SEMA6D: variants seen among roughly 807,000 people sequenced by gnomAD.
SEMA6D encodes semaphorin-6D.
In SEMA6D, 35 loss-of-function variants were observed where a neutral mutation model predicts 106.6. The observed-to-expected ratio is 0.33, with a 90% CI of 0.25 to 0.44. The LOEUF (loss-of-function observed/expected upper bound fraction) is 0.44. SEMA6D is among the 20% of genes least tolerant of loss of function. SEMA6D has a pLI of 1.00. For missense variants in SEMA6D, 1,185 were observed against 1,345.9 expected, an observed-to-expected ratio of 0.88 and a Z score of 1.87; for synonymous variants, 499 against 487.7, an observed-to-expected ratio of 1.02 and a Z score of -0.31.
intron 2 of SEMA6D, among the ~76,000 whole-genome samples, chr15:47,450,780 G>A (rs2042167058): frequency 6.6e-6 from 1 of 152,020 alleles, no homozygotes; most frequent in Admixed American, 6.6e-5. Context: ...TGAGCATACT[G>A]GGGATACCTA....
chr15:47,494,741 GATATATATATATAT>G (rs202139404), intron 3 of SEMA6D, among the ~76,000 whole-genome samples: 2,077 of 32,934 alleles, frequency 0.063, 122 homozygotes, highest in African/African-American at 0.12. Context: ...GTGGGATGGA[GATATATATATATAT>G]ATATATATAT....
At chr15:47,304,096 A>AT (rs1327685380) in intron 1 of SEMA6D, among the ~76,000 whole-genome samples, 3 of 152,126 alleles carry the variant, frequency 2.0e-5, no homozygotes, top group Admixed American at 6.6e-5. Context: ...TTATGCATAC[A>AT]TTTTTTCTCC....
chr15:47,236,838 G>T (rs1316481911), intron 1 of SEMA6D, among the ~76,000 whole-genome samples: 1 of 152,172 alleles, frequency 6.6e-6, no homozygotes, highest in African/African-American at 2.4e-5. Context: ...AATAGCACGG[G>T]ACTGGGATTC....
upstream of SEMA6D, among the ~76,000 whole-genome samples, chr15:47,714,469 C>A (rs2079074208): frequency 6.6e-6 from 1 of 152,210 alleles, no homozygotes; most frequent in Non-Finnish European, 1.5e-5. Context: ...GTTGTACTTT[C>A]TGATGACTGA....
At chr15:47,619,617 C>T (rs77836094) in intron 4 of SEMA6D, among the ~76,000 whole-genome samples, 2,045 of 152,192 alleles carry the variant, frequency 0.013, 58 homozygotes, top group African/African-American at 0.047. Context: ...GCCCACTAGA[C>T]CATATGAATC....
chr15:47,363,777 G>A lies in SEMA6D; in HGVS notation c.-238-48616G>A, dbSNP rs141392725. 7.1e-3 allele frequency among the ~76,000 whole-genome samples: 1,085 copies of A among 152,268 alleles called. 11 individuals carry two copies. The highest frequency in any genetic ancestry group is 0.021 in the African/African-American group (866 of 41,536). ...GCTATAAAGAAATACCCAAGACTGG[G>A]TAATTTATACAGGAAAGAGGTTTAA... On this transcript the variant is annotated intron_variant, in intron 1 of 19. Transcript: ENST00000558014.
chr15:47,380,232 G>A (rs562036394), intron 1 of SEMA6D, among the ~76,000 whole-genome samples: 66 of 152,244 alleles, frequency 4.3e-4, no homozygotes, highest in African/African-American at 1.5e-3. Context: ...ACATACACCC[G>A]ATGACAAATT....
In SEMA6D at chr15:47,528,065, T is replaced by A. The variant is rs1656625; in HGVS notation, c.-87+57520T>A. ...GGATGGCCACTTCAGCTCTTCATGC[T>A]TGACTACACCCAGAACAAAACCAAG... On this transcript the variant is annotated intron_variant, in intron 3 of 19. Transcript: ENST00000558014. Among the ~76,000 whole-genome samples, 1,250 of 152,294 alleles carry A rather than the reference T, an allele frequency of 8.2e-3. 13 individuals are homozygous for A. The highest frequency in any genetic ancestry group is 0.029 in the African/African-American group (1,203 of 41,550).
intron 1 of SEMA6D, among the ~76,000 whole-genome samples, chr15:47,281,104 A>G (rs2035084807): frequency 2.9e-5 from 2 of 68,736 alleles, no homozygotes; most frequent in African/African-American, 5.5e-5. Flanking sequence ...TGTCTTGTTG[A>G]TCTGTCTAAT....
rs551890090 is a variant in SEMA6D, at chr15:47,663,902, C to T, written c.-55+63006C>T. The stretch of plus-strand genomic sequence containing the variant: ...GAAATGTAAAGTGGTTGCCCGTGGA[C>T]ACTCAGACTACTAGGAGCGCTTGTG... On this transcript the variant is annotated intron_variant, in intron 4 of 19. Transcript: ENST00000558014. Among the ~76,000 whole-genome samples, 3 of 152,310 alleles carry T rather than the reference C, an allele frequency of 2.0e-5. No homozygotes were observed. In the South Asian group the frequency reaches 6.2e-4, roughly 32 times the overall value.
intron 3 of SEMA6D, among the ~76,000 whole-genome samples, chr15:47,471,931 T>TCACACACA (rs1168586101): frequency 0.016 from 1,897 of 121,458 alleles, 30 homozygotes; most frequent in Admixed American, 0.041. Context: ...TCTCTCTCTC[T>TCACACACA]CACACACACA....
chr15:47,640,669 C>G (rs1321520735), intron 4 of SEMA6D, among the ~76,000 whole-genome samples: 1 of 152,146 alleles, frequency 6.6e-6, no homozygotes, highest in Non-Finnish European at 1.5e-5. Flanking sequence ...TTCTCTCTTA[C>G]GAACTGAGGG....
chr15:47,337,224 T>C (rs2037604536), intron 1 of SEMA6D, among the ~76,000 whole-genome samples: 1 of 152,116 alleles, frequency 6.6e-6, no homozygotes, highest in African/African-American at 2.4e-5. Flanking sequence ...TCAGTGGATA[T>C]GGGATATGGG....
At position 47,772,051 on chromosome 15, in the gene SEMA6D, G is replaced by A; in HGVS notation, c.*266G>A. The A allele has an allele frequency of 2.2e-6, 1 of 452,162 alleles. No individual in the cohort carries two copies. The highest frequency in any genetic ancestry group is 4.0e-5 in the South Asian group (1 of 25,026). 28.0% of individuals were successfully genotyped at this position (452,162 alleles called of 1,614,324 possible). On this transcript the variant is annotated 3_prime_UTR_variant, in exon 19 of 19. Transcript: ENST00000536845. ...CTAAAGAGATGTGTAGCTCACAGGGGCTACCTTACCAGTATAAAGAGCTGA... is the reference window on the plus strand; with the variant it reads ...CTAAAGAGATGTGTAGCTCACAGGGACTACCTTACCAGTATAAAGAGCTGA...
chr15:47,687,278 A>T (rs2078490584), intron 4 of SEMA6D, among the ~76,000 whole-genome samples: 1 of 152,080 alleles, frequency 6.6e-6, no homozygotes, highest in Non-Finnish European at 1.5e-5. Context: ...GGCAAGACAG[A>T]TGCTTCCGTG....
intron 4 of SEMA6D, among the ~76,000 whole-genome samples, chr15:47,617,234 A>G (rs182000507): frequency 1.2e-3 from 188 of 152,302 alleles, no homozygotes; most frequent in African/African-American, 4.2e-3. Flanking sequence ...GGAATTCATC[A>G]TCTTTCAGAC....
At chr15:47,312,882 C>T (rs1352179494) in intron 1 of SEMA6D, among the ~76,000 whole-genome samples, 1 of 152,132 alleles carries the variant, frequency 6.6e-6, no homozygotes, top group African/African-American at 2.4e-5. Context: ...AGATTAGTCA[C>T]ATTTCAAGTA....
intron 4 of SEMA6D, among the ~76,000 whole-genome samples, chr15:47,666,905 C>T (rs1190144869): frequency 6.6e-6 from 1 of 152,190 alleles, no homozygotes; most frequent in East Asian, 1.9e-4. Context: ...TGTCCAACTA[C>T]CCTGAGGCCA....
intron 2 of SEMA6D, among the ~76,000 whole-genome samples, chr15:47,453,653 C>T (rs1334948046): frequency 6.6e-6 from 1 of 151,928 alleles, no homozygotes; most frequent in African/African-American, 2.4e-5. Context: ...CCAATAGCCC[C>T]ACTCCACAAA....
Sources: allele counts gnomAD v4.1 joint callset (sites outside exome capture counted in the v4.1 genomes callset), GRCh38; gene constraint gnomAD v4.1.1; transcripts MANE v1.5; gene names NCBI Gene and HGNC (gene_info 2026-07-23, HGNC 2026-07-21).